Variants in CDIN1 observed in about 807,000 individuals in gnomAD.
CDIN1 encodes CDAN1 interacting nuclease 1.
A neutral mutation model predicts 45.3 loss-of-function variants in CDIN1; 33 were observed. The observed-to-expected ratio is 0.73, with a 90% CI of 0.55 to 0.97. The LOEUF (loss-of-function observed/expected upper bound fraction) is 0.97. Among genes scored for constraint, CDIN1 ranks in the 50% least tolerant of loss-of-function variants. The pLI, the probability that CDIN1 is intolerant of heterozygous loss-of-function variation, is 0.00. For missense variants in CDIN1, 303 were observed against 339.4 expected (o/e 0.89, Z 0.84); for synonymous variants, 118 against 124.4 (o/e 0.95, Z 0.34).
chr15:36,719,189 A>C (rs1480936482), intron 10 of CDIN1, among the ~76,000 whole-genome samples: 1 of 152,132 alleles, frequency 6.6e-6, no homozygotes, highest in African/African-American at 2.4e-5. Context: ...ACCACACTGC[A>C]CACTAGCCTG....
chr15:36,601,046 T>C lies in CDIN1; in HGVS notation c.101+21085T>C, dbSNP rs143779735. Among the ~76,000 whole-genome samples, 450 of 151,886 alleles carry C rather than the reference T, an allele frequency of 3.0e-3. 1 individual carries two copies. Among genetic ancestry groups the C allele is most frequent in the African/African-American group, 0.01 (424 of 41,224 alleles). The stretch of plus-strand genomic sequence containing the variant: ...AGGAAGTAATGCTACAGTGTTTTGA[T>C]GTCCCAAGTAGGGGTATCAAAAAAA... On this transcript the variant is annotated intron_variant, in intron 1 of 10. Coordinates refer to ENST00000566621, the MANE Select transcript of CDIN1 (RefSeq NM_001321759.2).
At chr15:36,650,114 G>A (rs370415318) in intron 3 of CDIN1, among the ~76,000 whole-genome samples, 1 of 152,204 alleles carries the variant, frequency 6.6e-6, no homozygotes, top group Non-Finnish European at 1.5e-5. Flanking sequence ...TCCTCCGCCA[G>A]TGTGCTGGGA....
intron 8 of CDIN1, chr15:36,705,907 T>A (rs988692993): frequency 1.4e-4 from 22 of 152,296 alleles, no homozygotes; most frequent in Admixed American, 3.9e-4. Flanking sequence ...AAGTACTATT[T>A]CAGATTATTG....
chr15:36,617,227 G>A, intron 1 of CDIN1: 1 of 875,968 alleles, frequency 1.1e-6, no homozygotes, highest in Non-Finnish European at 2.0e-6. Flanking sequence ...GCATGAAACA[G>A]CAGCCACATC....
chr15:36,589,783 C>A (rs2037487918), intron 1 of CDIN1, among the ~76,000 whole-genome samples: 1 of 152,178 alleles, frequency 6.6e-6, no homozygotes, highest in Admixed American at 6.5e-5. Flanking sequence ...GGATTACAGG[C>A]GTGAGCCACC....
chr15:36,609,866 G>A (rs2038565188), intron 1 of CDIN1, among the ~76,000 whole-genome samples: 1 of 152,216 alleles, frequency 6.6e-6, no homozygotes, highest in South Asian at 2.1e-4. Context: ...AGGATGTAGT[G>A]CCAGGATAAT....
intron 10 of CDIN1, among the ~76,000 whole-genome samples, chr15:36,727,722 C>T (rs189800400): frequency 1.3e-3 from 204 of 152,210 alleles, no homozygotes; most frequent in Admixed American, 2.6e-3. Flanking sequence ...AAAGGTGAAA[C>T]ATTGTTGTTA....
At chr15:36,734,821 T>C (rs1159584028) in intron 10 of CDIN1, among the ~76,000 whole-genome samples, 1 of 152,234 alleles carries the variant, frequency 6.6e-6, no homozygotes, top group East Asian at 1.9e-4. Context: ...CAATGATCAA[T>C]GTATTCACTG....
rs1410732247 is a variant in CDIN1 at position 36,709,302 on chromosome 15, C to T, written c.610+14C>T. On this transcript the variant is annotated intron_variant, in intron 9 of 10. Transcript: ENST00000566621. ...AAGTACCAGTTGGTAAGTTCTTTAA[C>T]TCTGTTATGCATTTGTTTTTAGAGA... 6.3e-7 allele frequency: 1 copy of T among 1,589,156 alleles called. No homozygotes were observed. The highest frequency in any genetic ancestry group is 1.3e-5 in the African/African-American group (1 of 74,504).
Position 36,808,424 on chromosome 15 carries a change from AT to A in CDIN1, c.819del (p.Ile273MetfsTer8). 1.2e-6 allele frequency: 2 copies of A among 1,613,562 alleles called. No individual in the cohort carries two copies. The highest frequency in any genetic ancestry group is 1.7e-6 in the Non-Finnish European group (2 of 1,179,612). ...ILLKACFPTNIVTLCHSIA is the reference protein window; with the variant it reads ...ILLKACFPTNXVTLCHSIA ...GCTCAAAGCCTGTTTCCCCACGAAC[AT>A]TGTCACCTTATGCCACAGCATAGCT... On this transcript the variant is annotated frameshift_variant, in exon 11 of 11. Transcript: ENST00000566621. LOFTEE classifies it high-confidence loss of function.
intron 1 of CDIN1, among the ~76,000 whole-genome samples, chr15:36,602,117 A>G (rs1360544147): frequency 2.6e-5 from 4 of 152,174 alleles, no homozygotes; most frequent in Non-Finnish European, 5.9e-5. Context: ...TCTTAAGCGT[A>G]TGTGCTCAGC....
At chr15:36,666,495 G>C (rs1323316848) in intron 5 of CDIN1, among the ~76,000 whole-genome samples, 1 of 152,148 alleles carries the variant, frequency 6.6e-6, no homozygotes, top group East Asian at 1.9e-4. Flanking sequence ...CTGCAAGATT[G>C]TCAGAACAAT....
rs1417305448 is a variant in CDIN1 at position 36,589,525 on chromosome 15, A to G, written c.101+9564A>G. Among the ~76,000 whole-genome samples, 4 of 140,116 alleles carry G rather than the reference A, an allele frequency of 2.9e-5. No individual in the cohort carries two copies. The Admixed American group carries it at 2.9e-4, about 10-fold the overall frequency. 91.9% of individuals were successfully genotyped at this position (140,116 alleles called of 152,430 possible). A position where few individuals can be genotyped will look rare whatever the true frequency, so the allele number is the denominator to read the frequency against. ...ATTTCTTTTTTCTTTTTTTTTTTTGAGACGGAGTCTTGCTCTGCTTCCCAG... is the reference window on the plus strand; with the variant it reads ...ATTTCTTTTTTCTTTTTTTTTTTTGGGACGGAGTCTTGCTCTGCTTCCCAG... On this transcript the variant is annotated intron_variant, in intron 1 of 10. Coordinates refer to ENST00000566621, the MANE Select transcript of CDIN1 (RefSeq NM_001321759.2).
At chr15:36,669,855 T>C (rs1289047805) in intron 5 of CDIN1, among the ~76,000 whole-genome samples, 4 of 152,132 alleles carry the variant, frequency 2.6e-5, no homozygotes, top group African/African-American at 9.6e-5. Context: ...GTATGTGGTA[T>C]CAACATGATT....
At position 36,701,129 on chromosome 15, in the gene CDIN1, GA is replaced by G. The variant is rs1566912645; in HGVS notation, c.544+3740del. Among the ~76,000 whole-genome samples, 222 of 96,382 alleles carry G rather than the reference GA, an allele frequency of 2.3e-3. 3 individuals carry two copies. In the South Asian group the frequency reaches 0.035, roughly 15 times the overall value. 63.2% of individuals were successfully genotyped at this position (96,382 alleles called of 152,430 possible). On this transcript the variant is annotated intron_variant, in intron 8 of 10. Coordinates refer to ENST00000566621, the MANE Select transcript of CDIN1 (RefSeq NM_001321759.2). ...AGATAGATAGATAGGTAGGTAGATA[GA>G]TAGATAGATAGATAGATAGATAGAT...
intron 10 of CDIN1, among the ~76,000 whole-genome samples, chr15:36,759,949 C>A (rs759572567): frequency 3.3e-5 from 5 of 152,162 alleles, no homozygotes; most frequent in African/African-American, 4.8e-5. Flanking sequence ...CCAGGCCCCA[C>A]CTCCAACAAT....
intron 5 of CDIN1, among the ~76,000 whole-genome samples, chr15:36,684,990 C>T (rs1250059980): frequency 2.0e-5 from 3 of 152,042 alleles, no homozygotes; most frequent in African/African-American, 7.2e-5. Context: ...ATTAGTCTTG[C>T]TAGCGGTCTA....
chr15:36,675,995 G>A (rs1325887699), intron 5 of CDIN1, among the ~76,000 whole-genome samples: 1 of 152,064 alleles, frequency 6.6e-6, no homozygotes, highest in Non-Finnish European at 1.5e-5. Flanking sequence ...AGATCTCTGT[G>A]TTGGATAATG....
chr15:36,582,513 T>C (rs1478206746), intron 1 of CDIN1, among the ~76,000 whole-genome samples: 2 of 152,254 alleles, frequency 1.3e-5, no homozygotes, highest in Admixed American at 1.3e-4. Context: ...TTGTGCCTTG[T>C]TTTATGCTCA....
Sources: allele counts gnomAD v4.1 joint callset (sites outside exome capture counted in the v4.1 genomes callset), GRCh38; gene constraint gnomAD v4.1.1; transcripts MANE v1.5; gene names NCBI Gene and HGNC (gene_info 2026-07-23, HGNC 2026-07-21).